TSPAN15: variants seen among roughly 807,000 people sequenced by gnomAD.
TSPAN15 encodes the protein tetraspanin-15.
TSPAN15 carries 20 observed loss-of-function variants against 34.5 expected under a neutral mutation model. The ratio of observed to expected loss-of-function variants is 0.58; its 90% CI spans 0.41 to 0.84. The LOEUF (loss-of-function observed/expected upper bound fraction) is 0.84. Ranked by LOEUF, TSPAN15 falls within the 40% of genes least tolerant of loss-of-function variation. The pLI is 0.00. For missense variants in TSPAN15, 313 were observed against 386.1 expected (o/e 0.81, Z 1.59); for synonymous variants, 155 against 153.9 (o/e 1.01, Z -0.05).
Position 69,483,845 on chromosome 10 carries a change from C to G in TSPAN15, c.251C>G (p.Ser84Cys). The G allele has an allele frequency of 6.2e-7, 1 of 1,614,010 alleles. No individual in the cohort carries two copies. The highest frequency in any genetic ancestry group is 8.5e-7 in the Non-Finnish European group (1 of 1,179,996). Residue 84 changes from serine to cysteine, a missense_variant, in exon 2 of 8, where the codon TCC (serine) becomes TGC (cysteine). Transcript: ENST00000373290. ...FMVSFIGVLA[S>C]LRDNLYLLQA... The stretch of plus-strand genomic sequence containing the variant: ...GTCTCCTTCATTGGTGTGCTGGCGT[C>G]CCTCCGTGACAACCTGTACCTTCTC...
chr10:69,518,701 C>T, the TSPAN15 span, among the ~76,000 whole-genome samples: 4 of 152,186 alleles, frequency 2.6e-5, no homozygotes, highest in East Asian at 3.8e-4. Context: ...GGATTACAGG[C>T]GTGAGCCACC....
the TSPAN15 span, among the ~76,000 whole-genome samples, chr10:69,516,117 A>C: frequency 2.6e-5 from 4 of 152,260 alleles, no homozygotes; most frequent in Non-Finnish European, 5.9e-5. Context: ...AGGAGTAGCA[A>C]CCAAGGTTAC....
the TSPAN15 span, among the ~76,000 whole-genome samples, chr10:69,539,979 CA>C: frequency 5.3e-5 from 8 of 150,170 alleles, no homozygotes; most frequent in African/African-American, 9.8e-5. Context: ...TTTTTTGAGA[CA>C]GAGTCTCACT....
Position 69,464,005 on chromosome 10 carries a change from C to T in TSPAN15, c.96+12315C>T, listed in dbSNP as rs75648582. ...GAGAAAGGCAGAGGGAGATATGAGA[C>T]GGACAGAAGAGGAGGCCACGGGCAC... On this transcript the variant is annotated intron_variant, in intron 1 of 7. Transcript: ENST00000373290. Among the ~76,000 whole-genome samples the T allele has an allele frequency of 2.6e-3, 390 of 152,246 alleles. 2 individuals are homozygous for T. The highest frequency in any genetic ancestry group is 8.7e-3 in the African/African-American group (360 of 41,536).
rs535692277 is a variant in TSPAN15, at chr10:69,467,673, C to CACACACACACACAA, written c.96+15985_96+15986insACACACACACAAAC. 8.8e-4 allele frequency among the ~76,000 whole-genome samples: 67 copies of CACACACACACACAA among 76,404 alleles called. 1 individual carries two copies. Among genetic ancestry groups the CACACACACACACAA allele is most frequent in the African/African-American group, 1.6e-3 (55 of 33,596 alleles). The allele number at this position is 76,404 out of a possible 152,430, so 50.1% of individuals were successfully genotyped here. On this transcript the variant is annotated intron_variant, in intron 1 of 7. Transcript: ENST00000373290. ...ACACACACACACACACACACACACA[C>CACACACACACACAA]ACCTCTTCTTGGAAAACAGAACTTG...
intron 5 of TSPAN15, among the ~76,000 whole-genome samples, chr10:69,502,563 T>C (rs960603453): frequency 6.6e-6 from 1 of 150,476 alleles, no homozygotes; most frequent in African/African-American, 2.4e-5. Flanking sequence ...AAGAGGCTAC[T>C]GGACCCTGGT....
chr10:69,541,560 A>G, the TSPAN15 span, among the ~76,000 whole-genome samples: 1 of 152,230 alleles, frequency 6.6e-6, no homozygotes, highest in African/African-American at 2.4e-5. Context: ...TCTGTGCAGC[A>G]GTGGGCTCCA....
At chr10:69,512,851 G>A in the TSPAN15 span, among the ~76,000 whole-genome samples, 1 of 152,132 alleles carries the variant, frequency 6.6e-6, no homozygotes, top group Non-Finnish European at 1.5e-5. Context: ...TGGACGTTTT[G>A]TTTCCAGTTT....
chr10:69,530,820 C>CTCTCTCTCTCTCTATATA, the TSPAN15 span, among the ~76,000 whole-genome samples: 1 of 30,782 alleles, frequency 3.2e-5, no homozygotes, highest in African/African-American at 1.1e-4. Context: ...CTCTCTCTCT[C>CTCTCTCTCTCTCTATATA]TATATATATA....
chr10:69,486,668 G>A (rs1425547228), intron 3 of TSPAN15, among the ~76,000 whole-genome samples: 1 of 152,196 alleles, frequency 6.6e-6, no homozygotes, highest in Non-Finnish European at 1.5e-5. Context: ...CCTGGGTTGT[G>A]CAGACCTCTC....
At chr10:69,539,470 GAGAAGGAGA>G in the TSPAN15 span, among the ~76,000 whole-genome samples, 1 of 59,144 alleles carries the variant, frequency 1.7e-5, no homozygotes, top group African/African-American at 7.0e-5. Flanking sequence ...GAAGGAGAAG[GAGAAGGAGA>G]AGGAGAAGAA....
At chr10:69,546,477 A>G in the TSPAN15 span, among the ~76,000 whole-genome samples, 1 of 152,092 alleles carries the variant, frequency 6.6e-6, no homozygotes, top group Non-Finnish European at 1.5e-5. Flanking sequence ...GGATAACTCA[A>G]CTCAAAAACA....
the TSPAN15 span, among the ~76,000 whole-genome samples, chr10:69,519,130 C>G: frequency 1.3e-5 from 2 of 152,170 alleles, no homozygotes; most frequent in Admixed American, 1.3e-4. Context: ...CATAGTGATA[C>G]GTAGGGCTGG....
the TSPAN15 span, among the ~76,000 whole-genome samples, chr10:69,534,680 A>C: frequency 7.2e-5 from 11 of 152,198 alleles, no homozygotes; most frequent in East Asian, 2.1e-3. Flanking sequence ...GTAGATGTTA[A>C]ATAGAAACTC....
the TSPAN15 span, among the ~76,000 whole-genome samples, chr10:69,526,807 A>T: frequency 6.9e-6 from 1 of 145,710 alleles, no homozygotes; most frequent in African/African-American, 2.5e-5. Flanking sequence ...AAAAAAAAAA[A>T]AAAGCCAGAT....
At chr10:69,491,500 C>T (rs1841968276) in intron 3 of TSPAN15, among the ~76,000 whole-genome samples, 1 of 151,836 alleles carries the variant, frequency 6.6e-6, no homozygotes, top group African/African-American at 2.4e-5. Context: ...GTAGTTGGGA[C>T]TACAGGTGCA....
intron 1 of TSPAN15, among the ~76,000 whole-genome samples, chr10:69,475,129 G>C (rs570720006): frequency 6.6e-5 from 10 of 152,272 alleles, no homozygotes; most frequent in Admixed American, 5.9e-4. Flanking sequence ...AAGAAAACCA[G>C]GGGGAGGAGG....
chr10:69,539,557 G>GA, the TSPAN15 span, among the ~76,000 whole-genome samples: 412 of 89,848 alleles, frequency 4.6e-3, 15 homozygotes, highest in African/African-American at 0.014. Flanking sequence ...GAAGGAGAAG[G>GA]AGAAGGAGAA....
At chr10:69,456,021 A>C (rs956227524) in intron 1 of TSPAN15, among the ~76,000 whole-genome samples, 1 of 152,106 alleles carries the variant, frequency 6.6e-6, no homozygotes, top group African/African-American at 2.4e-5. Flanking sequence ...TGATGTTATT[A>C]AATTGTCCTA....
Sources: allele counts gnomAD v4.1 joint callset (sites outside exome capture counted in the v4.1 genomes callset), GRCh38; gene constraint gnomAD v4.1.1; transcripts MANE v1.5; gene names NCBI Gene and HGNC (gene_info 2026-07-23, HGNC 2026-07-21).